DNAJC5: variants seen among roughly 807,000 people sequenced by gnomAD.
The protein encoded by DNAJC5 is dnaJ homolog subfamily C member 5.
A neutral mutation model predicts 23.2 loss-of-function variants in DNAJC5; 1 was observed. The observed-to-expected ratio is 0.04, with a 90% CI of 0.02 to 0.20. The LOEUF (loss-of-function observed/expected upper bound fraction) is 0.20, where lower values mean the gene tolerates loss of function less well. Among genes scored for constraint, DNAJC5 ranks in the 10% least tolerant of loss-of-function variants. DNAJC5 has a pLI of 1.00. For synonymous variants in DNAJC5, 136 were observed against 120.0 expected, an observed-to-expected ratio of 1.13 and a Z score of -0.87; for missense variants, 180 against 267.0, an observed-to-expected ratio of 0.67 and a Z score of 2.27.
At chr20:63,906,669 C>G (rs1428756333) in intron 1 of DNAJC5, among the ~76,000 whole-genome samples, 1 of 151,762 alleles carries the variant, frequency 6.6e-6, no homozygotes, top group Admixed American at 6.6e-5. Context: ...GTATATAGTC[C>G]CAGCTACTCG....
In DNAJC5 at chr20:63,907,292, G is replaced by A. The variant is rs568810776; in HGVS notation, c.-12+11969G>A. 3.3e-5 allele frequency among the ~76,000 whole-genome samples: 5 copies of A among 152,278 alleles called. No individual in the cohort carries two copies. The South Asian group carries it at 1.0e-3, about 32-fold the overall frequency. On this transcript the variant is annotated intron_variant, in intron 1 of 4. Transcript: ENST00000360864. ...TCAGTTACAGCCCTGCTGATCCTTA[G>A]CACGGTGACTGCAAATAGGTTACTC...
chr20:63,909,824 G>C (rs1297419540), intron 1 of DNAJC5, among the ~76,000 whole-genome samples: 1 of 152,262 alleles, frequency 6.6e-6, no homozygotes, highest in African/African-American at 2.4e-5. Context: ...CCTGCGGGGG[G>C]CAGCAGAGGC....
At chr20:63,906,487 TAATA>T (rs1393260775) in intron 1 of DNAJC5, among the ~76,000 whole-genome samples, 1 of 150,480 alleles carries the variant, frequency 6.6e-6, no homozygotes, top group East Asian at 2.0e-4. Flanking sequence ...GACTCTGTCT[TAATA>T]AATAAATTAA....
chr20:63,926,053 C>T (rs1205012876), intron 1 of DNAJC5, among the ~76,000 whole-genome samples: 1 of 152,118 alleles, frequency 6.6e-6, no homozygotes, highest in Admixed American at 6.6e-5. Context: ...TGGTCTCAAT[C>T]TCCTGATCTC....
intron 1 of DNAJC5, among the ~76,000 whole-genome samples, chr20:63,924,497 T>C (rs2146298286): frequency 6.6e-6 from 1 of 152,292 alleles, no homozygotes; most frequent in South Asian, 2.1e-4. Context: ...GCCATCCTCT[T>C]ATCTCAACCT....
rs1568989650 is a variant in DNAJC5 at position 63,929,731 on chromosome 20, C to CGGGCGCCCGAGTCACTCCTGCCGTGT, written c.321+210_321+211insGCCCGAGTCACTCCTGCCGTGTGGGC. Among the ~76,000 whole-genome samples the CGGGCGCCCGAGTCACTCCTGCCGTGT allele has an allele frequency of 1.5e-5, 2 of 132,132 alleles. No individual in the cohort carries two copies. Among genetic ancestry groups the CGGGCGCCCGAGTCACTCCTGCCGTGT allele is most frequent in the African/African-American group, 5.4e-5 (2 of 36,980 alleles). 86.7% of individuals were successfully genotyped at this position (132,132 alleles called of 152,430 possible). The stretch of plus-strand genomic sequence containing the variant: ...GGGCGCCCGAGTCACTCCTGCCGTG[C>CGGGCGCCCGAGTCACTCCTGCCGTGT]GGGCACCCGAGTCTCTCCTGCCATG... On this transcript the variant is annotated intron_variant, in intron 3 of 4. Coordinates refer to ENST00000360864, the MANE Select transcript of DNAJC5 (RefSeq NM_025219.3). This position sits in a 1 kb window ranked among gnomAD's most constrained non-coding sequence, Gnocchi z 8.6.
chr20:63,918,217 C>T (rs748147765), intron 1 of DNAJC5, among the ~76,000 whole-genome samples: 3 of 152,006 alleles, frequency 2.0e-5, no homozygotes, highest in East Asian at 1.9e-4. Flanking sequence ...GGAACGTAGG[C>T]GTTTCAGAAG....
chr20:63,922,653 C>G (rs1408083818), intron 1 of DNAJC5, among the ~76,000 whole-genome samples: 1 of 151,940 alleles, frequency 6.6e-6, no homozygotes, highest in Admixed American at 6.6e-5. Context: ...GCCTGTAGTC[C>G]CACCTATTCA....
chr20:63,913,501 A>G (rs2053496762), intron 1 of DNAJC5, among the ~76,000 whole-genome samples: 1 of 150,688 alleles, frequency 6.6e-6, no homozygotes, highest in African/African-American at 2.4e-5. Context: ...GGTTCAAGTG[A>G]TTCTCCCGCC....
intron 1 of DNAJC5, among the ~76,000 whole-genome samples, chr20:63,909,271 G>A (rs570318889): frequency 2.6e-5 from 4 of 152,054 alleles, no homozygotes; most frequent in African/African-American, 7.2e-5. Flanking sequence ...AGGCCGAGGC[G>A]GGCGGATCCC....
At chr20:63,897,511 A>G (rs934031619) in intron 1 of DNAJC5, among the ~76,000 whole-genome samples, 2 of 152,260 alleles carry the variant, frequency 1.3e-5, no homozygotes, top group East Asian at 3.9e-4. Context: ...GGTTGCAGTG[A>G]GCAAAGGTCA....
At chr20:63,909,818 C>CG (rs1008323578) in intron 1 of DNAJC5, among the ~76,000 whole-genome samples, 7 of 152,206 alleles carry the variant, frequency 4.6e-5, no homozygotes, top group African/African-American at 1.4e-4. Flanking sequence ...GGAGAGCCTG[C>CG]GGGGGGCAGC....
chr20:63,915,919 A>G (rs1327486447), intron 1 of DNAJC5, among the ~76,000 whole-genome samples: 3 of 152,216 alleles, frequency 2.0e-5, no homozygotes, highest in Non-Finnish European at 2.9e-5. Context: ...CAGAACATAA[A>G]ATACAAACCC....
At chr20:63,919,913 G>A (rs765481515) in intron 1 of DNAJC5, 2 of 230,630 alleles carry the variant, frequency 8.7e-6, no homozygotes, top group Non-Finnish European at 7.5e-6. Context: ...GGAAGAGGAC[G>A]CACCCGGCTG....
intron 1 of DNAJC5, among the ~76,000 whole-genome samples, chr20:63,921,190 C>G (rs1216179101): frequency 6.6e-6 from 1 of 152,090 alleles, no homozygotes; most frequent in South Asian, 2.1e-4. Flanking sequence ...AACTCCTGAC[C>G]TCAGGTGATC....
intron 1 of DNAJC5, among the ~76,000 whole-genome samples, chr20:63,918,742 C>T (rs900065766): frequency 6.6e-6 from 1 of 152,114 alleles, no homozygotes; most frequent in Non-Finnish European, 1.5e-5. Context: ...CTACAGGCGC[C>T]CACCACCATG....
intron 1 of DNAJC5, among the ~76,000 whole-genome samples, chr20:63,915,782 C>A (rs763944611): frequency 3.3e-5 from 5 of 152,186 alleles, no homozygotes; most frequent in Non-Finnish European, 7.3e-5. Flanking sequence ...TAGGTATACA[C>A]CAGAAGAATT....
chr20:63,913,048 T>C (rs2053491716), intron 1 of DNAJC5, among the ~76,000 whole-genome samples: 3 of 79,618 alleles, frequency 3.8e-5, no homozygotes. Context: ...CAAGGGCATC[T>C]AGAGCAAAGA....
chr20:63,908,123 C>G (rs2053459119), intron 1 of DNAJC5, among the ~76,000 whole-genome samples: 1 of 152,174 alleles, frequency 6.6e-6, no homozygotes, highest in African/African-American at 2.4e-5. Context: ...GCACCTTATA[C>G]TTGGTTGCAT....
Sources: gnomAD v4.1 joint callset for allele counts (sites outside exome capture counted in the v4.1 genomes callset) on GRCh38, gnomAD v4.1.1 for gene constraint, Gnocchi (gnomAD v3.1) non-coding constraint, MANE v1.5 for transcripts, NCBI Gene and HGNC (gene_info 2026-07-23, HGNC 2026-07-21) for gene names.